Variants in KDM4C observed in about 807,000 individuals in gnomAD.
The protein encoded by KDM4C is lysine demethylase 4C.
A neutral mutation model predicts 129.3 loss-of-function variants in KDM4C; 81 were observed. That is an observed-to-expected ratio of 0.63 (90% CI 0.52 to 0.75). The LOEUF is 0.75. Ranked by LOEUF, KDM4C falls within the 30% of genes least tolerant of loss-of-function variation. The pLI is 0.00. For synonymous variants in KDM4C, 573 were observed against 456.1 expected (o/e 1.26, Z -3.26); for missense variants, 1,457 against 1,304.0 (o/e 1.12, Z -1.81).
intron 17 of KDM4C, among the ~76,000 whole-genome samples, chr9:7,072,385 C>A (rs182646875): frequency 6.6e-5 from 10 of 152,238 alleles, no homozygotes; most frequent in African/African-American, 2.4e-4. Flanking sequence ...TGTTTTTCAA[C>A]TGGGGAATGA....
intron 8 of KDM4C, among the ~76,000 whole-genome samples, chr9:6,917,798 C>T (rs1418808094): frequency 6.6e-6 from 1 of 152,148 alleles, no homozygotes; most frequent in East Asian, 1.9e-4. Context: ...GGTGCCCATA[C>T]ACTTGAACTC....
intron 12 of KDM4C, among the ~76,000 whole-genome samples, chr9:7,009,849 A>G (rs188210457): frequency 6.6e-6 from 1 of 152,202 alleles, no homozygotes; most frequent in Non-Finnish European, 1.5e-5. Flanking sequence ...AATTTTTTTC[A>G]ATAAATACAT....
chr9:6,752,256 C>G (rs2130308774), intron 1 of KDM4C, among the ~76,000 whole-genome samples: 1 of 135,406 alleles, frequency 7.4e-6, no homozygotes, highest in Admixed American at 7.8e-5. Context: ...TGGCGTGAAC[C>G]CGGGAGGCGG....
chr9:6,814,819 G>GAGATTAATAT, intron 4 of KDM4C, 74 bp downstream of exon 4: 1 of 911,370 alleles, frequency 1.1e-6, no homozygotes, highest in East Asian at 2.7e-5. Flanking sequence ...AAGCAGTTTA[G>GAGATTAATAT]AAGTGTTCTT....
chr9:6,959,637 T>C (rs1829692657), intron 8 of KDM4C, among the ~76,000 whole-genome samples: 1 of 152,196 alleles, frequency 6.6e-6, no homozygotes, highest in Non-Finnish European at 1.5e-5. Flanking sequence ...AGAGTTTATA[T>C]TATAGTTAAT....
At chr9:6,928,231 T>C (rs1033092743) in intron 8 of KDM4C, among the ~76,000 whole-genome samples, 3 of 152,234 alleles carry the variant, frequency 2.0e-5, no homozygotes, top group African/African-American at 7.2e-5. Flanking sequence ...TTCTTCCAGC[T>C]TTCCAGCCGT....
At chr9:6,977,128 T>C (rs1302449847) in intron 8 of KDM4C, among the ~76,000 whole-genome samples, 1 of 152,146 alleles carries the variant, frequency 6.6e-6, no homozygotes. Context: ...GACTACAGGT[T>C]ATAGCCATGT....
rs1829824495 is a variant in KDM4C at position 7,049,219 on chromosome 9, T to G, written c.2424+19T>G. 7.6e-7 allele frequency: 1 copy of G among 1,307,214 alleles called. No homozygotes were observed. The highest frequency in any genetic ancestry group is 1.1e-6 in the Non-Finnish European group (1 of 909,604). The allele number at this position is 1,307,214 out of a possible 1,614,324, so 81.0% of individuals were successfully genotyped here. A position where few individuals can be genotyped will look rare whatever the true frequency, so the allele number is the denominator to read the frequency against. On this transcript the variant is annotated intron_variant, in intron 17 of 21. Coordinates refer to ENST00000381309, the MANE Select transcript of KDM4C (RefSeq NM_015061.6). The stretch of plus-strand genomic sequence containing the variant: ...AAAATTGGTGAGTGGCAAAGCTTCT[T>G]TTTTACCTCATAAATTAGTGTTAAT...
At chr9:6,865,724 C>T (rs187334798) in intron 5 of KDM4C, among the ~76,000 whole-genome samples, 1 of 150,718 alleles carries the variant, frequency 6.6e-6, no homozygotes, top group East Asian at 2.0e-4. Context: ...GCCACCATGC[C>T]TAGCTAATTT....
At chr9:7,080,935 C>T (rs770499395) in intron 17 of KDM4C, among the ~76,000 whole-genome samples, 1 of 152,156 alleles carries the variant, frequency 6.6e-6, no homozygotes, top group African/African-American at 2.4e-5. Flanking sequence ...CTTGGTTGAC[C>T]TGATTAATAA....
chr9:6,760,498 A>C lies in KDM4C; in HGVS notation c.-18+2295A>C, dbSNP rs982589486. The stretch of plus-strand genomic sequence containing the variant: ...TGCTAGGTTAAACATCTGTTGAATG[A>C]CTGCATGCGTAAGGAGGGATAGTTA... On this transcript the variant is annotated intron_variant, in intron 1 of 21. Transcript: ENST00000381309. Among the ~76,000 whole-genome samples the C allele has an allele frequency of 2.0e-5, 3 of 149,916 alleles. No individual in the cohort carries two copies. The East Asian group carries it at 5.9e-4, about 29-fold the overall frequency.
At chr9:6,978,396 G>T (rs912578699) in intron 8 of KDM4C, among the ~76,000 whole-genome samples, 12 of 140,032 alleles carry the variant, frequency 8.6e-5, no homozygotes, top group African/African-American at 2.7e-4. Flanking sequence ...GTAATTGTTG[G>T]TGGGTTTAGG....
chr9:7,140,578 T>C (rs1841646288), intron 19 of KDM4C, among the ~76,000 whole-genome samples: 2 of 152,180 alleles, frequency 1.3e-5, no homozygotes, highest in Non-Finnish European at 2.9e-5. Context: ...AGGGCTGGCC[T>C]TGATAAGCCG....
intron 15 of KDM4C, among the ~76,000 whole-genome samples, chr9:7,021,361 T>A (rs1824824465): frequency 6.6e-6 from 1 of 152,156 alleles, no homozygotes; most frequent in African/African-American, 2.4e-5. Flanking sequence ...GCCAGGCTGG[T>A]CTCGAACTCC....
At position 7,019,771 on chromosome 9, in the gene KDM4C, T is replaced by TTTTTATATATAAAAATATTATA. The variant is rs1563993514; in HGVS notation, c.2259+3861_2259+3862insATATTTTATATATAAAAATATT. 4.7e-4 allele frequency among the ~76,000 whole-genome samples: 59 copies of TTTTTATATATAAAAATATTATA among 125,286 alleles called. 1 individual carries two copies. The highest frequency in any genetic ancestry group is 6.9e-4 in the Non-Finnish European group (43 of 62,462). 82.2% of individuals were successfully genotyped at this position (125,286 alleles called of 152,430 possible). A position where few individuals can be genotyped will look rare whatever the true frequency, so the allele number is the denominator to read the frequency against. Reference sequence around the variant, plus strand: ...TATTTTTATATATAAAAATATAATATTTTTATATATAAAAATATTTTAGAA... The same window carrying TTTTTATATATAAAAATATTATA: ...TATTTTTATATATAAAAATATAATATTTTTATATATAAAAATATTATATTTTATATATAAAAATATTTTAGAA... On this transcript the variant is annotated intron_variant, in intron 15 of 21. Transcript: ENST00000381309.
chr9:7,070,396 C>G (rs534022627), intron 17 of KDM4C, among the ~76,000 whole-genome samples: 1 of 152,004 alleles, frequency 6.6e-6, no homozygotes. Flanking sequence ...TTGCATAGGG[C>G]CAGCATAACC....
chr9:7,019,791 T>TATTTTTATATA (rs1563993611), intron 15 of KDM4C, among the ~76,000 whole-genome samples: 16 of 58,384 alleles, frequency 2.7e-4, no homozygotes, highest in Non-Finnish European at 3.3e-4. Context: ...TAAAAATATT[T>TATTTTTATATA]TAGAAGCAAA....
intron 19 of KDM4C, among the ~76,000 whole-genome samples, chr9:7,139,656 T>A (rs1417547366): frequency 2.0e-5 from 3 of 152,260 alleles, no homozygotes; most frequent in Non-Finnish European, 4.4e-5. Context: ...GTTCCCTACA[T>A]GAATTTTGAA....
intron 2 of KDM4C, among the ~76,000 whole-genome samples, chr9:6,797,476 G>C (rs1827961622): frequency 6.8e-6 from 1 of 146,336 alleles, no homozygotes; most frequent in African/African-American, 2.8e-5. Flanking sequence ...TTGACACTTT[G>C]ACTGTCTACA....
Sources: allele counts gnomAD v4.1 joint callset (sites outside exome capture counted in the v4.1 genomes callset), GRCh38; gene constraint gnomAD v4.1.1; transcripts MANE v1.5; gene names NCBI Gene and HGNC (gene_info 2026-07-23, HGNC 2026-07-21).